The following CD2AP variants were observed in gnomAD, a reference collection of about 807,000 sequenced individuals.
CD2AP encodes the protein CD2-associated protein.
Under a neutral mutation model 85.1 loss-of-function variants are expected in CD2AP, and 46 were observed. The ratio of observed to expected loss-of-function variants is 0.54; its 90% CI spans 0.43 to 0.69. The LOEUF is 0.69. CD2AP is among the 30% of genes least tolerant of loss of function. The pLI, the probability that CD2AP is intolerant of heterozygous loss-of-function variation, is 0.00. For missense variants in CD2AP, 769 were observed against 729.5 expected (o/e 1.05, Z -0.62); for synonymous variants, 255 against 252.9 (o/e 1.01, Z -0.08).
rs59914741 is a variant in CD2AP at position 47,508,546 on chromosome 6, GTTTTTTTTTTT to G, written c.165+5113_165+5123del. On this transcript the variant is annotated intron_variant, in intron 2 of 17. Transcript: ENST00000359314. ...ACTTTCTTTCTTTCTTTTTTTTTTT[GTTTTTTTTTTT>G]TTTTTTGGGACGGAGTCTCGCTCTG... is the stretch of plus-strand genomic sequence containing the variant. Among the ~76,000 whole-genome samples the G allele has an allele frequency of 4.0e-3, 367 of 91,464 alleles. 1 individual carries two copies. The highest frequency in any genetic ancestry group is 0.013 in the African/African-American group (341 of 25,892). 60.0% of individuals were successfully genotyped at this position (91,464 alleles called of 152,430 possible).
intron 5 of CD2AP, among the ~76,000 whole-genome samples, chr6:47,560,971 T>C (rs1328832973): frequency 6.6e-6 from 1 of 152,208 alleles, no homozygotes; most frequent in African/African-American, 2.4e-5. Flanking sequence ...CAAACTTTTG[T>C]CTTTCTCCGG....
chr6:47,557,240 G>T (rs1158158430), intron 5 of CD2AP, among the ~76,000 whole-genome samples: 1 of 151,032 alleles, frequency 6.6e-6, no homozygotes, highest in African/African-American at 2.4e-5. Context: ...TTGTCAGATG[G>T]ATAGATTGCA....
chr6:47,584,777 G>A (rs1193295199), intron 11 of CD2AP, among the ~76,000 whole-genome samples: 2 of 151,972 alleles, frequency 1.3e-5, no homozygotes, highest in African/African-American at 4.8e-5. Flanking sequence ...AACTAGTTAG[G>A]TAGGAGTCTT....
intron 5 of CD2AP, among the ~76,000 whole-genome samples, chr6:47,568,522 A>G (rs1464331302): frequency 6.6e-6 from 1 of 152,112 alleles, no homozygotes; most frequent in Non-Finnish European, 1.5e-5. Context: ...TGGGTGGATC[A>G]CAAGGTCAGG....
At chr6:47,623,909 T>C (rs1769828814) in intron 17 of CD2AP, among the ~76,000 whole-genome samples, 1 of 152,184 alleles carries the variant, frequency 6.6e-6, no homozygotes, top group Non-Finnish European at 1.5e-5. Context: ...CTGACTGATT[T>C]TTTTACAGCT....
At chr6:47,525,411 A>G (rs1027512257) in intron 2 of CD2AP, among the ~76,000 whole-genome samples, 6 of 152,142 alleles carry the variant, frequency 3.9e-5, no homozygotes, top group African/African-American at 1.4e-4. Context: ...TTTGGTGACT[A>G]GGTAACCTGC....
chr6:47,480,597 G>A (rs976643008), intron 1 of CD2AP, among the ~76,000 whole-genome samples: 1 of 152,138 alleles, frequency 6.6e-6, no homozygotes, highest in African/African-American at 2.4e-5. Flanking sequence ...ATCTATAAAT[G>A]GAATAAAATA....
At chr6:47,488,904 A>G (rs1170066781) in intron 1 of CD2AP, among the ~76,000 whole-genome samples, 1 of 151,960 alleles carries the variant, frequency 6.6e-6, no homozygotes, top group East Asian at 1.9e-4. Flanking sequence ...AAAAATTAAT[A>G]ATTTAGGTTT....
chr6:47,607,867 C>A, intron 14 of CD2AP, 60 bp from the exon 15 acceptor site: 1 of 1,130,656 alleles, frequency 8.8e-7, no homozygotes, highest in Non-Finnish European at 1.3e-6. Context: ...TATCCAAAGA[C>A]TTACTACCTT....
At chr6:47,503,178 A>C in intron 1 of CD2AP, 102 bp from the exon 2 acceptor site, 1 of 1,124,420 alleles carries the variant, frequency 8.9e-7, no homozygotes, top group South Asian at 1.4e-5. Context: ...GTGGTATTAA[A>C]TATTGTTGCT....
In CD2AP at chr6:47,566,301, AATATATAT is replaced by A. The variant is rs71831752; in HGVS notation, c.542-7747_542-7740del. On this transcript the variant is annotated intron_variant, in intron 5 of 17. Transcript: ENST00000359314. ...TATTGTCTGTCTACCTGCTCATTAG[AATATATAT>A]ATATATATATATATACACATACACA... Among the ~76,000 whole-genome samples the A allele has an allele frequency of 5.3e-4, 58 of 110,204 alleles. 4 individuals are homozygous for A. The highest frequency in any genetic ancestry group is 4.0e-4 in the African/African-American group (14 of 35,380). 72.3% of individuals were successfully genotyped at this position (110,204 alleles called of 152,430 possible).
intron 5 of CD2AP, among the ~76,000 whole-genome samples, chr6:47,560,485 G>GT (rs1392596617): frequency 6.6e-6 from 1 of 151,184 alleles, no homozygotes; most frequent in Non-Finnish European, 1.5e-5. Context: ...GCCTTTTTCT[G>GT]TTTTTTGTTT....
chr6:47,507,490 G>GA (rs1359033728), intron 2 of CD2AP, among the ~76,000 whole-genome samples: 5 of 151,936 alleles, frequency 3.3e-5, no homozygotes, highest in Non-Finnish European at 1.5e-5. Context: ...AATTTAGTGG[G>GA]GCGATCTTGG....
chr6:47,542,542 A>G (rs1375571547), intron 3 of CD2AP, among the ~76,000 whole-genome samples: 2 of 152,152 alleles, frequency 1.3e-5, no homozygotes, highest in African/African-American at 4.8e-5. Context: ...GCCTTATGAA[A>G]GGGCAGGAGG....
chr6:47,623,613 C>T (rs1002902449), intron 17 of CD2AP, among the ~76,000 whole-genome samples: 2 of 152,126 alleles, frequency 1.3e-5, no homozygotes, highest in Non-Finnish European at 2.9e-5. Flanking sequence ...TTATGAATTT[C>T]CTTCTGCCTA....
chr6:47,478,764 A>G (rs1048784161), intron 1 of CD2AP, among the ~76,000 whole-genome samples: 1 of 152,132 alleles, frequency 6.6e-6, no homozygotes, highest in Non-Finnish European at 1.5e-5. Flanking sequence ...GGGTGCCTCA[A>G]GGACAGGAAA....
intron 1 of CD2AP, among the ~76,000 whole-genome samples, chr6:47,481,594 C>T (rs1765445997): frequency 6.6e-6 from 1 of 152,164 alleles, no homozygotes; most frequent in Non-Finnish European, 1.5e-5. Context: ...GATCTGCCCG[C>T]TTTGGCCTCC....
chr6:47,530,698 G>T (rs191240390), intron 2 of CD2AP, among the ~76,000 whole-genome samples: 301 of 152,238 alleles, frequency 2.0e-3, no homozygotes, highest in Middle Eastern at 3.4e-3. Context: ...AGTCTCTCTT[G>T]TTAACATTTG....
rs865983803 is a variant in CD2AP, at chr6:47,581,983, A to G, written c.1046-20A>G. 6.5e-7 allele frequency: 1 copy of G among 1,530,906 alleles called. No individual in the cohort carries two copies. The highest frequency in any genetic ancestry group is 9.1e-7 in the Non-Finnish European group (1 of 1,104,500). 94.8% of individuals were successfully genotyped at this position (1,530,906 alleles called of 1,614,324 possible). On this transcript the variant is annotated intron_variant, in intron 10 of 17. Transcript: ENST00000359314. ...TTTAAAACTGTCTTCTTAAAAAAGT[A>G]TTAATGTTTTTTCCCATAGCTCCAA...
Sources: allele counts gnomAD v4.1 joint callset (sites outside exome capture counted in the v4.1 genomes callset), GRCh38; gene constraint gnomAD v4.1.1; transcripts MANE v1.5; gene names NCBI Gene and HGNC (gene_info 2026-07-23, HGNC 2026-07-21).